PDE10A: variants seen among roughly 807,000 people sequenced by gnomAD.
PDE10A encodes cAMP and cAMP-inhibited cGMP 3',5'-cyclic phosphodiesterase 10A.
PDE10A carries 39 observed loss-of-function variants against 97.7 expected under a neutral mutation model. That is an observed-to-expected ratio of 0.40 (90% CI 0.31 to 0.52). The LOEUF (loss-of-function observed/expected upper bound fraction) is 0.52. PDE10A is among the 20% of genes least tolerant of loss of function. The pLI is 0.56. For synonymous variants in PDE10A, 371 were observed against 376.8 expected (o/e 0.98, Z 0.18); for missense variants, 731 against 1,047.8 (o/e 0.70, Z 4.17).
chr6:165,381,374 T>A (rs545446876), intron 17 of PDE10A, among the ~76,000 whole-genome samples: 19 of 152,308 alleles, frequency 1.2e-4, no homozygotes, highest in Non-Finnish European at 2.6e-4. Context: ...GTGAAAAAGC[T>A]CCATAGAGGG....
intron 1 of PDE10A, among the ~76,000 whole-genome samples, chr6:165,793,295 C>A (rs1365038488): frequency 6.6e-6 from 1 of 151,798 alleles, no homozygotes; most frequent in Non-Finnish European, 1.5e-5. Flanking sequence ...AAGTCCTCGG[C>A]CTTATAAGAA....
At chr6:165,534,182 A>G (rs1007401831) in intron 2 of PDE10A, among the ~76,000 whole-genome samples, 1 of 152,020 alleles carries the variant, frequency 6.6e-6, no homozygotes, top group African/African-American at 2.4e-5. Flanking sequence ...AATAAGTTGG[A>G]AAGTCTAAAA....
intron 1 of PDE10A, among the ~76,000 whole-genome samples, chr6:165,878,254 T>G (rs1781395666): frequency 6.6e-6 from 1 of 152,238 alleles, no homozygotes; most frequent in South Asian, 2.1e-4. Flanking sequence ...GATTTCTATA[T>G]CTTTGTTGAA....
At chr6:165,368,224 G>A (rs1271862154) in intron 18 of PDE10A, among the ~76,000 whole-genome samples, 7 of 152,158 alleles carry the variant, frequency 4.6e-5, no homozygotes, top group African/African-American at 9.7e-5. Flanking sequence ...TTGAACTCCC[G>A]GCCTCAAGTG....
upstream of PDE10A, among the ~76,000 whole-genome samples, chr6:165,666,598 G>A (rs931724082): frequency 2.6e-5 from 4 of 152,188 alleles, no homozygotes; most frequent in African/African-American, 7.2e-5. Context: ...TTACTACCTG[G>A]TGTCATTAAA....
intron 17 of PDE10A, among the ~76,000 whole-genome samples, chr6:165,386,685 A>G (rs568974717): frequency 6.6e-6 from 1 of 152,250 alleles, no homozygotes; most frequent in Non-Finnish European, 1.5e-5. Context: ...ACATATACAC[A>G]CAAGCCTTTT....
At chr6:165,824,481 T>C (rs1308582010) in intron 1 of PDE10A, among the ~76,000 whole-genome samples, 1 of 152,258 alleles carries the variant, frequency 6.6e-6, no homozygotes, top group African/African-American at 2.4e-5. Context: ...AACCTATGTT[T>C]ACCTCACCAT....
At chr6:165,735,005 GTAGGTAGATAGGTAGGTAGT>G (rs767159713) in intron 1 of PDE10A, among the ~76,000 whole-genome samples, 7,177 of 151,588 alleles carry the variant, frequency 0.047, 601 homozygotes, top group African/African-American at 0.16. Context: ...AGGTAGGTAG[GTAGGTAGATAGGTAGGTAGT>G]TAGGTAGGTA....
At chr6:165,742,768 GC>G (rs1792757817) in intron 1 of PDE10A, among the ~76,000 whole-genome samples, 1 of 152,086 alleles carries the variant, frequency 6.6e-6, no homozygotes. Context: ...CACTGCCTGA[GC>G]CTCTCAGCTG....
intron 1 of PDE10A, among the ~76,000 whole-genome samples, chr6:165,942,273 T>A (rs1425911592): frequency 2.0e-5 from 3 of 148,020 alleles, no homozygotes; most frequent in Non-Finnish European, 4.4e-5. Flanking sequence ...TGATTTTATA[T>A]ATGTATGTAT....
intron 2 of PDE10A, among the ~76,000 whole-genome samples, chr6:165,485,939 G>A (rs1451748625): frequency 6.6e-6 from 1 of 152,206 alleles, no homozygotes; most frequent in Admixed American, 6.5e-5. Context: ...AAGCTAACAG[G>A]CCCTTTACTG....
chr6:165,753,893 T>C (rs1212787552), intron 1 of PDE10A, among the ~76,000 whole-genome samples: 2 of 152,234 alleles, frequency 1.3e-5, no homozygotes, highest in Non-Finnish European at 2.9e-5. Context: ...TTTCTTAAAT[T>C]AGTAAAACTC....
At chr6:165,703,336 G>T (rs545638450) in intron 1 of PDE10A, among the ~76,000 whole-genome samples, 3 of 152,144 alleles carry the variant, frequency 2.0e-5, no homozygotes, top group African/African-American at 7.2e-5. Context: ...TTCATATAGA[G>T]AGTGGGAATA....
chr6:165,466,658 T>TG (rs1430033834), intron 3 of PDE10A, among the ~76,000 whole-genome samples: 1 of 152,210 alleles, frequency 6.6e-6, no homozygotes, highest in Admixed American at 6.5e-5. Context: ...CCTGTTAAGG[T>TG]GATCTACAGT....
At chr6:165,506,096 A>G (rs1282512072) in intron 2 of PDE10A, among the ~76,000 whole-genome samples, 2 of 152,110 alleles carry the variant, frequency 1.3e-5, no homozygotes, top group Non-Finnish European at 2.9e-5. Flanking sequence ...TTCCATTCCC[A>G]TAACAACATA....
chr6:165,767,943 T>C (rs1777906934), intron 1 of PDE10A, among the ~76,000 whole-genome samples: 1 of 152,226 alleles, frequency 6.6e-6, no homozygotes, highest in South Asian at 2.1e-4. Flanking sequence ...CACCTTGTTG[T>C]CTGCGTTTTT....
intron 1 of PDE10A, chr6:165,947,057 A>G (rs1337607315): frequency 6.6e-6 from 1 of 152,142 alleles, no homozygotes; most frequent in African/African-American, 2.4e-5. Flanking sequence ...AGGCCCATTC[A>G]TTGTACCTTG....
intron 1 of PDE10A, among the ~76,000 whole-genome samples, chr6:165,806,662 C>T (rs940101596): frequency 1.3e-4 from 20 of 148,290 alleles, no homozygotes; most frequent in Admixed American, 6.8e-5. Flanking sequence ...CCCCCCCAGG[C>T]TCTTCTTTAG....
At chr6:165,771,225 A>C (rs565850090) in intron 1 of PDE10A, among the ~76,000 whole-genome samples, 15 of 152,300 alleles carry the variant, frequency 9.8e-5, no homozygotes, top group Admixed American at 2.0e-4. Flanking sequence ...ATAGTTTTTT[A>C]AAAAGTGAAA....
Sources: gnomAD v4.1 joint callset for allele counts (sites outside exome capture counted in the v4.1 genomes callset) on GRCh38, gnomAD v4.1.1 for gene constraint, MANE v1.5 for transcripts, NCBI Gene and HGNC (gene_info 2026-07-23, HGNC 2026-07-21) for gene names.